The following LMTK3 variants were observed in gnomAD, a reference collection of about 807,000 sequenced individuals.
LMTK3 encodes the protein lemur tail kinase 3, also known as serine/threonine-protein kinase LMTK3.
LMTK3 carries 27 observed loss-of-function variants against 116.7 expected under a neutral mutation model. That is an observed-to-expected ratio of 0.23 (90% CI 0.17 to 0.32). The LOEUF (loss-of-function observed/expected upper bound fraction) is 0.32. LMTK3 is among the 10% of genes least tolerant of loss of function. The pLI is 1.00. For synonymous variants in LMTK3, 965 were observed against 971.0 expected (o/e 0.99, Z 0.11); for missense variants, 1,764 against 2,068.5 (o/e 0.85, Z 2.86).
At chr19:48,503,547 C>T (rs978590746) in intron 5 of LMTK3, among the ~76,000 whole-genome samples, 120 of 152,166 alleles carry the variant, frequency 7.9e-4, no homozygotes, top group African/African-American at 2.9e-3. Context: ...TCTTCTCAGT[C>T]TTCTCCTCCT....
At chr19:48,496,170 C>T (rs925296265) in intron 11 of LMTK3, among the ~76,000 whole-genome samples, 4 of 152,304 alleles carry the variant, frequency 2.6e-5, no homozygotes, top group Admixed American at 6.5e-5. Flanking sequence ...AGTGCAGTGA[C>T]GTGATCTCGG....
chr19:48,485,385 T>TG lies in LMTK3; in HGVS notation c.*387dup, dbSNP rs996090746. The stretch of plus-strand genomic sequence containing the variant: ...GGGGAGGGAAAGGGGAGACGCGAAA[T>TG]GGGGGGTCCGGGTCCCCGAAGCCTG... On this transcript the variant is annotated 3_prime_UTR_variant, in exon 15 of 15. Coordinates refer to ENST00000600059, the MANE Select transcript of LMTK3 (RefSeq NM_001388485.1). 14 of 189,842 alleles carry TG rather than the reference T, an allele frequency of 7.4e-5. No homozygotes were observed. The highest frequency in any genetic ancestry group is 6.4e-4 in the Admixed American group (11 of 17,304). The allele number at this position is 189,842 out of a possible 1,614,324, so 11.8% of individuals were successfully genotyped here.
chr19:48,491,499 T>C lies in LMTK3; in HGVS notation c.4133A>G (p.Glu1378Gly). 1.4e-6 allele frequency: 2 copies of C among 1,402,426 alleles called. No individual in the cohort carries two copies. Among genetic ancestry groups the C allele is most frequent in the South Asian group, 1.7e-5 (1 of 59,954 alleles). The allele number at this position is 1,402,426 out of a possible 1,614,324, so 86.9% of individuals were successfully genotyped here. A position where few individuals can be genotyped will look rare whatever the true frequency, so the allele number is the denominator to read the frequency against. The change falls in exon 13 of 15, where the codon GAG becomes GGG. Residue 1378 changes from glutamate (E) to glycine (G), a missense_variant. By Grantham distance (98) the Glu-to-Gly change is moderately conservative. Coordinates refer to ENST00000600059, the MANE Select transcript of LMTK3 (RefSeq NM_001388485.1). This position sits in a 1 kb window ranked among gnomAD's most constrained non-coding sequence, Gnocchi z 5.1. ...TNELSVQAPP[E>G]GDTDPSTPPA... is the part of the protein sequence containing the mutation. ...AGGCGTTGACGGGTCCGTGTCCCCC[T>C]CGGGGGGGGCCTGGACGCTCAGCTC...
intron 2 of LMTK3, 125 bp from the exon 3 acceptor site, chr19:48,510,298 TCCC>T: frequency 7.2e-7 from 1 of 1,388,202 alleles, no homozygotes. Flanking sequence ...CCAATTTCCA[TCCC>T]CCATTTCCCC....
chr19:48,502,829 G>C (rs764593483), intron 6 of LMTK3, 80 bp downstream of exon 6: 1 of 1,078,524 alleles, frequency 9.3e-7, no homozygotes. Context: ...TGATGACGAC[G>C]AAGCCCAGGG....
rs1225595660 is a variant in LMTK3 at position 48,510,478 on chromosome 19, C to T, written c.191G>A (p.Arg64Gln). 6.3e-7 allele frequency: 1 copy of T among 1,597,154 alleles called. No homozygotes were observed. Among genetic ancestry groups the T allele is most frequent in the South Asian group, 1.1e-5 (1 of 87,896 alleles). Residue 64 changes from arginine to glutamine, a missense_variant, in exon 2 of 15, where the codon CGG becomes CAG. Transcript: ENST00000600059. ...CCTCACCTTGAAGCCGACATCGCCC[C>T]GTTTGCAGCACAGACAGGTGAGGAG... ...FLLLTCLCCK[R>Q]GDVGFKEFEN...
Position 48,501,336 on chromosome 19 carries a change from C to A in LMTK3, c.948G>T (p.Gly316=). 6.2e-7 allele frequency: 1 copy of A among 1,613,522 alleles called. No individual in the cohort carries two copies. Among genetic ancestry groups the A allele is most frequent in the Non-Finnish European group, 8.5e-7 (1 of 1,179,802 alleles). The change falls in exon 9 of 15, where the codon GGG becomes GGT. Residue 316 remains glycine, a synonymous_variant. Coordinates refer to ENST00000600059, the MANE Select transcript of LMTK3 (RefSeq NM_001388485.1). ...PLRWAAPELL[G]ELHGTFMVVD... ...CCACCATGAAGGTCCCGTGGAGCTCCCCGAGGAGCTCGGGCGCCGCCCAGC... is the reference window on the plus strand; with the variant it reads ...CCACCATGAAGGTCCCGTGGAGCTCACCGAGGAGCTCGGGCGCCGCCCAGC...
intron 1 of LMTK3, 146 bp from the exon 2 acceptor site, chr19:48,510,738 A>C (rs1055291047): frequency 3.1e-6 from 3 of 959,656 alleles, no homozygotes; most frequent in Admixed American, 3.4e-5. Context: ...GAGTGGCCCA[A>C]GGCATTGTGG....
chr19:48,490,524 CAAAAAAAA>C (rs397860073), intron 14 of LMTK3, among the ~76,000 whole-genome samples: 2 of 48,082 alleles, frequency 4.2e-5, no homozygotes, highest in African/African-American at 7.7e-5. Flanking sequence ...GACTCCGTCT[CAAAAAAAA>C]AAAAAAAAAA....
In LMTK3 at chr19:48,494,296, C is replaced by T. The variant is rs1569101106; in HGVS notation, c.3677-187G>A. Reference sequence around the variant, plus strand: ...AAGGTCCTCTCCAGTGCTCAACCTCCCCAGAGCTCCCCAGTGCCAACGGCT... The same window carrying T: ...AAGGTCCTCTCCAGTGCTCAACCTCTCCAGAGCTCCCCAGTGCCAACGGCT... On this transcript the variant is annotated intron_variant, in intron 11 of 14. Transcript: ENST00000600059. The surrounding 1 kb of genome is among the most constrained non-coding windows in gnomAD (Gnocchi z 4.0). Among the ~76,000 whole-genome samples the T allele has an allele frequency of 6.6e-6, 1 of 152,206 alleles. No homozygotes were observed. The highest frequency in any genetic ancestry group is 1.5e-5 in the Non-Finnish European group (1 of 68,038).
rs1199405722 is a variant in LMTK3, at chr19:48,485,446, G to A, written c.*327C>T. 3.2e-6 allele frequency: 1 copy of A among 316,380 alleles called. No individual in the cohort carries two copies. Among genetic ancestry groups the A allele is most frequent in the Non-Finnish European group, 6.0e-6 (1 of 167,294 alleles). 19.6% of individuals were successfully genotyped at this position (316,380 alleles called of 1,614,324 possible). On this transcript the variant is annotated 3_prime_UTR_variant, in exon 15 of 15. Transcript: ENST00000600059. ...CTTGGGCCAGGAGTGGGTGAGGAGGGACCTCCGCTGTGTCGAGGGGCTCCA... is the reference window on the plus strand; with the variant it reads ...CTTGGGCCAGGAGTGGGTGAGGAGGAACCTCCGCTGTGTCGAGGGGCTCCA...
rs1972400884 is a variant in LMTK3, at chr19:48,498,945, G to A, written c.2124C>T (p.Ser708=). ...LGCPHPPEDD[S]SLRAERGSLA... is the part of the protein sequence containing the mutation. The stretch of plus-strand genomic sequence containing the variant: ...GGGAGCCCCGCTCTGCCCGCAGCGA[G>A]GAGTCGTCCTCGGGGGGGTGGGGGC... Residue 708 remains serine (S), a synonymous_variant, in exon 11 of 15, where the codon TCC becomes TCT. Transcript: ENST00000600059. 3 of 1,295,224 alleles carry A rather than the reference G, an allele frequency of 2.3e-6. No homozygotes were observed. The allele number at this position is 1,295,224 out of a possible 1,614,324, so 80.2% of individuals were successfully genotyped here. A position where few individuals can be genotyped will look rare whatever the true frequency, so the allele number is the denominator to read the frequency against.
Position 48,498,824 on chromosome 19 carries a change from GC to G in LMTK3, c.2244del (p.Pro749HisfsTer109). Reference sequence around the variant, plus strand: ...GGCGGGGGGGGGGGAGCGGGAGGTGGCCCCCGCCCGGGGTACTGGGGCGCCG... The same window carrying G: ...GGCGGGGGGGGGGGAGCGGGAGGTGGCCCCGCCCGGGGTACTGGGGCGCCG... ...GAAAPQYPGR[G>X]PPPAPPPPPP... On this transcript the variant is annotated frameshift_variant, in exon 11 of 15. Coordinates refer to ENST00000600059, the MANE Select transcript of LMTK3 (RefSeq NM_001388485.1). LOFTEE classifies it high-confidence loss of function. 2.5e-6 allele frequency: 3 copies of G among 1,208,654 alleles called. No individual in the cohort carries two copies. Among genetic ancestry groups the G allele is most frequent in the Non-Finnish European group, 3.2e-6 (3 of 943,930 alleles). 74.9% of individuals were successfully genotyped at this position (1,208,654 alleles called of 1,614,324 possible). A position where few individuals can be genotyped will look rare whatever the true frequency, so the allele number is the denominator to read the frequency against.
rs773670054 is a variant in LMTK3 at position 48,510,012 on chromosome 19, T to TG, written c.361+10dup. Reference sequence around the variant, plus strand: ...ACACCATGGGATGCTGGTCATGGCGTGGGGCAGTACCTGAGTGTGAAGGCT... The same window carrying TG: ...ACACCATGGGATGCTGGTCATGGCGTGGGGGCAGTACCTGAGTGTGAAGGCT... On this transcript the variant is annotated intron_variant, in intron 3 of 14. Transcript: ENST00000600059. 10 of 1,613,366 alleles carry TG rather than the reference T, an allele frequency of 6.2e-6. No homozygotes were observed. In the East Asian group the frequency reaches 2.0e-4, roughly 32 times the overall value.
intron 12 of LMTK3, 55 bp downstream of exon 12, chr19:48,493,639 G>A: frequency 1.3e-6 from 2 of 1,513,870 alleles, no homozygotes; most frequent in Non-Finnish European, 1.8e-6. Context: ...CCGGCTCTAG[G>A]CTCCTGCTCC....
Position 48,491,149 on chromosome 19 carries a change from G to T in LMTK3, c.4325C>A (p.Thr1442Asn). The T allele has an allele frequency of 1.4e-5, 20 of 1,384,248 alleles. No individual in the cohort carries two copies. Among genetic ancestry groups the T allele is most frequent in the Non-Finnish European group, 1.9e-5 (20 of 1,068,596 alleles). 85.7% of individuals were successfully genotyped at this position (1,384,248 alleles called of 1,614,324 possible). Residue 1442 changes from threonine (T) to asparagine (N), a missense_variant, in exon 14 of 15, where the codon ACC becomes AAC. Transcript: ENST00000600059. This position sits in a 1 kb window ranked among gnomAD's most constrained non-coding sequence, Gnocchi z 5.1. Reference sequence around the variant, plus strand: ...GGGGGCCCGGGCGGGTGGCCCCGGGGTCTCCAGCGCAGGCGAGACGGAGAA... The same window carrying T: ...GGGGGCCCGGGCGGGTGGCCCCGGGTTCTCCAGCGCAGGCGAGACGGAGAA... ...SRFSVSPALE[T>N]PGPPARAPDA... is the part of the protein sequence containing the mutation.
In LMTK3 at chr19:48,510,026, A is replaced by T. The variant is rs1202386501; in HGVS notation, c.358T>A (p.Ser120Thr). The change falls in exon 3 of 15, where the codon TCA (serine) becomes ACA (threonine). Residue 120 changes from serine to threonine, a missense_variant. Transcript: ENST00000600059. ...LPMPAPQPSH[S>T]DMTTPLGLSR... is the part of the protein sequence containing the mutation. ...TGGTCATGGCGTGGGGCAGTACCTG[A>T]GTGTGAAGGCTGCGGGGCAGGCATT... is the stretch of plus-strand genomic sequence containing the variant. 1 of 1,613,608 alleles carries T rather than the reference A, an allele frequency of 6.2e-7. No homozygotes were observed. The highest frequency in any genetic ancestry group is 1.3e-5 in the African/African-American group (1 of 74,864).
intron 12 of LMTK3, among the ~76,000 whole-genome samples, chr19:48,492,852 C>T (rs896837049): frequency 6.6e-6 from 1 of 152,110 alleles, no homozygotes; most frequent in African/African-American, 2.4e-5. Context: ...CTCTAGACCA[C>T]GCCCCCGTCA....
rs1289873090 is a variant in LMTK3 at position 48,498,276 on chromosome 19, G to A, written c.2793C>T (p.Asn931=). The stretch of plus-strand genomic sequence containing the variant: ...CGATGCCTGGGGCTCTCTGGTCCCC[G>A]TTCTCCAGCACTGTCACCCCGTTCA... ...LPVNGVTVLE[N]GDQRAPGIEE... Residue 931 remains asparagine, a synonymous_variant, in exon 11 of 15, where the codon AAC becomes AAT. Transcript: ENST00000600059. 1.9e-6 allele frequency: 3 copies of A among 1,613,262 alleles called. No homozygotes were observed. The highest frequency in any genetic ancestry group is 3.3e-5 in the Admixed American group (2 of 59,918).
Sources: gnomAD v4.1 joint callset for allele counts (sites outside exome capture counted in the v4.1 genomes callset) on GRCh38, gnomAD v4.1.1 for gene constraint, Gnocchi (gnomAD v3.1) non-coding constraint, MANE v1.5 for transcripts, NCBI Gene and HGNC (gene_info 2026-07-23, HGNC 2026-07-21) for gene names.